SLC44A3: variants seen among roughly 807,000 people sequenced by gnomAD.
The protein encoded by SLC44A3 is solute carrier family 44 member 3.
SLC44A3 carries 74 observed loss-of-function variants against 75.4 expected under a neutral mutation model. The observed-to-expected ratio is 0.98, with a 90% CI of 0.81 to 1.19. SLC44A3 has a LOEUF of 1.19. SLC44A3 is among the 50% of genes most tolerant of loss of function. SLC44A3 has a pLI of 0.00. For synonymous variants in SLC44A3, 310 were observed against 296.9 expected (o/e 1.04, Z -0.45); for missense variants, 700 against 778.6 (o/e 0.90, Z 1.20).
chr1:94,869,406 A>G (rs1452736191), intron 12 of SLC44A3, among the ~76,000 whole-genome samples: 1 of 152,252 alleles, frequency 6.6e-6, no homozygotes, highest in Non-Finnish European at 1.5e-5. Context: ...TGGTGCAAAC[A>G]GGGATAGGTC....
intron 12 of SLC44A3, among the ~76,000 whole-genome samples, chr1:94,888,951 G>A (rs542751163): frequency 6.6e-6 from 1 of 151,584 alleles, no homozygotes; most frequent in East Asian, 1.9e-4. Flanking sequence ...GTAAAGACAG[G>A]GTTTCACCAT....
In SLC44A3 at chr1:94,864,815, C is replaced by T. The variant is rs553053505; in HGVS notation, c.1311C>T (p.Thr437=). Residue 437 remains threonine, a synonymous_variant, in exon 11 of 15, where the codon ACC becomes ACT. Transcript: ENST00000271227. ...LSILFFYHQG[T]VVKGSFLISV... ...TTCTCTTCTTCTACCATCAAGGAAC[C>T]GTTGTGAAAGGGTCATTTTTAATCT... 21 of 1,613,972 alleles carry T rather than the reference C, an allele frequency of 1.3e-5. No homozygotes were observed. Among genetic ancestry groups the T allele is most frequent in the African/African-American group, 9.3e-5 (7 of 75,010 alleles).
rs768883091 is a variant in SLC44A3 at position 94,837,777 on chromosome 1, T to C, written c.576T>C (p.Ser192=). The C allele has an allele frequency of 6.2e-7, 1 of 1,612,434 alleles. No homozygotes were observed. Among genetic ancestry groups the C allele is most frequent in the Non-Finnish European group, 8.5e-7 (1 of 1,179,468 alleles). ...QTPECYSLFA[S]VLINDVDTLH... ...CTGAGTGCTACTCCCTATTTGCATC[T>C]GTTTTGATAAATGATGTTGACACCC... Residue 192 remains serine (S), a synonymous_variant, in exon 6 of 15, where the codon TCT becomes TCC. Coordinates refer to ENST00000271227, the MANE Select transcript of SLC44A3 (RefSeq NM_001114106.3).
chr1:94,857,583 G>A (rs1487652207), intron 10 of SLC44A3, 83 bp downstream of exon 10: 2 of 1,377,432 alleles, frequency 1.5e-6, no homozygotes, highest in Non-Finnish European at 1.9e-6. Flanking sequence ...AGATATTTGG[G>A]AATGTTGACC....
At chr1:94,880,283 C>A (rs1668803691) in intron 12 of SLC44A3, among the ~76,000 whole-genome samples, 1 of 152,132 alleles carries the variant, frequency 6.6e-6, no homozygotes, top group Non-Finnish European at 1.5e-5. Context: ...GTGCCCTCAG[C>A]AGATGAATGG....
At chr1:94,826,908 G>T (rs1661427477) in intron 3 of SLC44A3, among the ~76,000 whole-genome samples, 1 of 152,162 alleles carries the variant, frequency 6.6e-6, no homozygotes, top group East Asian at 1.9e-4. Context: ...GGGTTTGGAA[G>T]CTGTAGCTGC....
intron 12 of SLC44A3, among the ~76,000 whole-genome samples, chr1:94,889,582 T>A (rs1669980387): frequency 6.6e-6 from 1 of 151,836 alleles, no homozygotes; most frequent in Non-Finnish European, 1.5e-5. Context: ...AGTAATCTTG[T>A]TTCTGAGAAT....
chr1:94,840,891 AG>A (rs1252580690), intron 7 of SLC44A3, among the ~76,000 whole-genome samples: 5 of 152,230 alleles, frequency 3.3e-5, no homozygotes, highest in African/African-American at 1.2e-4. Context: ...GTTGGGAAAG[AG>A]GTCCGAGGGA....
intron 12 of SLC44A3, chr1:94,888,777 T>G: frequency 3.3e-6 from 3 of 902,962 alleles, no homozygotes; most frequent in Non-Finnish European, 4.0e-6. Flanking sequence ...TCACCCAGGT[T>G]GGAGTGCAGT....
At chr1:94,862,156 C>T (rs568149163) in intron 10 of SLC44A3, among the ~76,000 whole-genome samples, 2 of 152,346 alleles carry the variant, frequency 1.3e-5, no homozygotes, top group South Asian at 2.1e-4. Flanking sequence ...TCTCAGCCCT[C>T]CAAACCCCAT....
chr1:94,826,478 C>T (rs1661356283), intron 3 of SLC44A3, among the ~76,000 whole-genome samples: 1 of 152,060 alleles, frequency 6.6e-6, no homozygotes, highest in African/African-American at 2.4e-5. Flanking sequence ...TGGTGAAACC[C>T]TGTCTCTACT....
intron 14 of SLC44A3, among the ~76,000 whole-genome samples, chr1:94,894,257 A>ACTT (rs1329111765): frequency 6.6e-6 from 1 of 152,204 alleles, no homozygotes; most frequent in Non-Finnish European, 1.5e-5. Context: ...ATAATATGGC[A>ACTT]CTTTGACATG....
chr1:94,853,125 C>T (rs1443976262), intron 9 of SLC44A3, among the ~76,000 whole-genome samples: 4 of 151,996 alleles, frequency 2.6e-5, no homozygotes, highest in East Asian at 1.9e-4. Context: ...TCAGGATGCC[C>T]GGGAGATGAG....
intron 12 of SLC44A3, among the ~76,000 whole-genome samples, chr1:94,881,470 T>C (rs957145971): frequency 2.5e-4 from 38 of 152,214 alleles, no homozygotes; most frequent in South Asian, 6.2e-4. Flanking sequence ...TTTGGGAGGC[T>C]GAGGCGGGCG....
At chr1:94,824,304 A>G (rs975262936) in intron 2 of SLC44A3, among the ~76,000 whole-genome samples, 189 bp from the exon 3 acceptor site, 1 of 152,242 alleles carries the variant, frequency 6.6e-6, no homozygotes, top group East Asian at 1.9e-4. Flanking sequence ...ACCTAAATGT[A>G]TAAGTAGCAG....
intron 12 of SLC44A3, chr1:94,888,595 G>C (rs777464160): frequency 1.1e-6 from 1 of 885,028 alleles, no homozygotes; most frequent in Non-Finnish European, 1.4e-6. Flanking sequence ...CAAATTTCAC[G>C]CACATTCTAT....
chr1:94,874,216 T>C (rs1200404414), intron 12 of SLC44A3, among the ~76,000 whole-genome samples: 1 of 152,232 alleles, frequency 6.6e-6, no homozygotes, highest in East Asian at 1.9e-4. Flanking sequence ...GGCCCCAGGC[T>C]GTCTGGGAGA....
intron 13 of SLC44A3, 57 bp downstream of exon 13, chr1:94,891,324 C>G: frequency 6.5e-7 from 1 of 1,533,406 alleles, no homozygotes; most frequent in South Asian, 1.3e-5. Flanking sequence ...AGCCATACAA[C>G]AATTGGTTTG....
intron 12 of SLC44A3, among the ~76,000 whole-genome samples, chr1:94,870,213 T>C (rs735937): frequency 0.37 from 56,333 of 152,146 alleles, 11,098 homozygotes; most frequent in East Asian, 0.57. Flanking sequence ...ACCTCACACA[T>C]GCGTTCATCC....
Sources: gnomAD v4.1 joint callset for allele counts (sites outside exome capture counted in the v4.1 genomes callset) on GRCh38, gnomAD v4.1.1 for gene constraint, MANE v1.5 for transcripts, NCBI Gene and HGNC (gene_info 2026-07-23, HGNC 2026-07-21) for gene names.